The following OXR1 variants were observed in gnomAD, a reference collection of about 807,000 sequenced individuals.
OXR1 encodes the protein oxidation resistance protein 1.
A neutral mutation model predicts 104.6 loss-of-function variants in OXR1; 41 were observed. The ratio of observed to expected loss-of-function variants is 0.39; its 90% CI spans 0.31 to 0.51. OXR1 has a LOEUF of 0.51. OXR1 is among the 20% of genes least tolerant of loss of function. The pLI, the probability that OXR1 is intolerant of heterozygous loss-of-function variation, is 0.77. For missense variants in OXR1, 955 were observed against 1,031.9 expected, an observed-to-expected ratio of 0.93 and a Z score of 1.02; for synonymous variants, 348 against 348.4, an observed-to-expected ratio of 1.00 and a Z score of 0.01.
intron 3 of OXR1, among the ~76,000 whole-genome samples, chr8:106,669,955 G>A (rs747240190): frequency 6.6e-6 from 1 of 152,132 alleles, no homozygotes; most frequent in Non-Finnish European, 1.5e-5. Flanking sequence ...ATTTTATTAA[G>A]GGTATCAGAA....
rs78625468 is a variant in OXR1 at position 106,494,408 on chromosome 8, C to T, written c.24-24535C>T. 8.8e-3 allele frequency among the ~76,000 whole-genome samples: 1,335 copies of T among 152,124 alleles called. 16 individuals carry two copies. The highest frequency in any genetic ancestry group is 0.03 in the African/African-American group (1,250 of 41,514). The stretch of plus-strand genomic sequence containing the variant: ...TTTTTAAAGAAAAATTTATATTTGA[C>T]GACCTTTCACCACACACACAGTAGG... On this transcript the variant is annotated intron_variant, in intron 2 of 16. Transcript: ENST00000517566.
chr8:106,454,568 G>A (rs796316179), intron 2 of OXR1, among the ~76,000 whole-genome samples: 2 of 152,060 alleles, frequency 1.3e-5, no homozygotes, highest in African/African-American at 4.8e-5. Flanking sequence ...CCATGTATAG[G>A]TAGTGACAAC....
chr8:106,465,923 C>G (rs1179379449), intron 2 of OXR1, among the ~76,000 whole-genome samples: 1 of 151,948 alleles, frequency 6.6e-6, no homozygotes, highest in Non-Finnish European at 1.5e-5. Flanking sequence ...ATGATTCAAC[C>G]ACTTACTGTA....
At chr8:106,570,589 C>G (rs180939504) in intron 3 of OXR1, among the ~76,000 whole-genome samples, 2 of 152,296 alleles carry the variant, frequency 1.3e-5, no homozygotes, top group Admixed American at 1.3e-4. Flanking sequence ...AGACTGTTCT[C>G]TCTTCTGAAA....
chr8:106,538,202 C>T (rs1179755202), intron 3 of OXR1, among the ~76,000 whole-genome samples: 1 of 152,150 alleles, frequency 6.6e-6, no homozygotes, highest in African/African-American at 2.4e-5. Context: ...ATTTAATATC[C>T]TGTGATCCCA....
chr8:106,746,794 G>C (rs770160679), intron 16 of OXR1, among the ~76,000 whole-genome samples: 26 of 151,010 alleles, frequency 1.7e-4, no homozygotes, highest in East Asian at 9.7e-4. Context: ...ATACCTTTTG[G>C]GGGGGGTATC....
chr8:106,671,142 C>T (rs1826932713), intron 3 of OXR1, among the ~76,000 whole-genome samples: 1 of 138,130 alleles, frequency 7.2e-6, no homozygotes, highest in Non-Finnish European at 1.6e-5. Flanking sequence ...GTGGAAACCA[C>T]ACCAAAGGCA....
intron 2 of OXR1, among the ~76,000 whole-genome samples, chr8:106,450,117 G>C (rs1021948120): frequency 5.3e-5 from 8 of 152,166 alleles, no homozygotes; most frequent in African/African-American, 1.9e-4. Context: ...TGGATGTTCA[G>C]ATAAGAGAAT....
At chr8:106,698,424 T>C (rs1000624548) in intron 7 of OXR1, among the ~76,000 whole-genome samples, 2 of 152,116 alleles carry the variant, frequency 1.3e-5, no homozygotes, top group Admixed American at 6.6e-5. Flanking sequence ...TTCTGTAGGT[T>C]TATAGTTCAT....
At chr8:106,491,558 A>G (rs1010806305) in intron 2 of OXR1, among the ~76,000 whole-genome samples, 5 of 152,216 alleles carry the variant, frequency 3.3e-5, no homozygotes, top group Admixed American at 2.0e-4. Context: ...GTGGCATTTT[A>G]GAAGTGTGCA....
chr8:106,483,722 C>T (rs754010450), intron 2 of OXR1, among the ~76,000 whole-genome samples: 3 of 151,816 alleles, frequency 2.0e-5, no homozygotes, highest in Non-Finnish European at 4.4e-5. Context: ...AGATTTTCTC[C>T]CATGGATGAA....
At chr8:106,444,922 T>C (rs1410272502) in intron 2 of OXR1, among the ~76,000 whole-genome samples, 2 of 152,084 alleles carry the variant, frequency 1.3e-5, no homozygotes, top group Admixed American at 1.3e-4. Flanking sequence ...CACACAGATA[T>C]TAGCATTATG....
intron 1 of OXR1, among the ~76,000 whole-genome samples, chr8:106,345,602 A>G (rs1029139707): frequency 6.6e-6 from 1 of 152,210 alleles, no homozygotes; most frequent in African/African-American, 2.4e-5. Context: ...GGAAGTAGAA[A>G]AGCCTGTGAA....
chr8:106,338,124 A>G (rs1041981736), intron 1 of OXR1, among the ~76,000 whole-genome samples: 2 of 152,190 alleles, frequency 1.3e-5, no homozygotes, highest in Non-Finnish European at 2.9e-5. Context: ...GACCAAACCA[A>G]AATGGAGTCA....
intron 2 of OXR1, among the ~76,000 whole-genome samples, chr8:106,510,978 C>T (rs1001176598): frequency 3.3e-5 from 5 of 152,138 alleles, no homozygotes; most frequent in African/African-American, 1.2e-4. Flanking sequence ...CCCGATTCCA[C>T]GTTAATGAGA....
chr8:106,455,785 T>C (rs1471054707), intron 2 of OXR1, among the ~76,000 whole-genome samples: 1 of 152,192 alleles, frequency 6.6e-6, no homozygotes, highest in Non-Finnish European at 1.5e-5. Context: ...AGTTTGAAAG[T>C]TTGTATTTTT....
chr8:106,662,894 A>G (rs966063376), intron 3 of OXR1, among the ~76,000 whole-genome samples: 3 of 152,172 alleles, frequency 2.0e-5, no homozygotes, highest in African/African-American at 4.8e-5. Context: ...TAGTAATAAC[A>G]GAAGTAGTAA....
chr8:106,581,244 G>A (rs927468014), intron 3 of OXR1: 1 of 1,287,994 alleles, frequency 7.8e-7, no homozygotes, highest in Non-Finnish European at 1.0e-6. Context: ...TATCCATGAA[G>A]CTGAGAAGTA....
At chr8:106,447,950 A>C in intron 2 of OXR1, 1 of 1,534,890 alleles carries the variant, frequency 6.5e-7, no homozygotes, top group Non-Finnish European at 8.7e-7. Context: ...CGGGGCTCAC[A>C]GGTAACAGAA....
Sources: gnomAD v4.1 joint callset for allele counts (sites outside exome capture counted in the v4.1 genomes callset) on GRCh38, gnomAD v4.1.1 for gene constraint, MANE v1.5 for transcripts, NCBI Gene and HGNC (gene_info 2026-07-23, HGNC 2026-07-21) for gene names.